The following SLIT3 variants were observed in gnomAD, a reference collection of about 807,000 sequenced individuals.
SLIT3 encodes the protein slit homolog 3 protein.
SLIT3 carries 68 observed loss-of-function variants against 184.0 expected under a neutral mutation model. The ratio of observed to expected loss-of-function variants is 0.37; its 90% CI spans 0.30 to 0.45. The LOEUF is 0.45. SLIT3 is among the 20% of genes least tolerant of loss of function. SLIT3 has a pLI of 1.00. For synonymous variants in SLIT3, 831 were observed against 828.6 expected (o/e 1.00, Z -0.05); for missense variants, 1,707 against 2,026.0 (o/e 0.84, Z 3.02).
At chr5:168,795,639 G>A in intron 9 of SLIT3, 61 bp from the exon 10 acceptor site, 4 of 1,316,368 alleles carry the variant, frequency 3.0e-6, no homozygotes, top group Non-Finnish European at 2.2e-6. Flanking sequence ...TGGTCACTGA[G>A]GGCTACTGTG....
intron 4 of SLIT3, among the ~76,000 whole-genome samples, chr5:169,079,636 G>A (rs1257068175): frequency 2.3e-5 from 2 of 86,958 alleles, no homozygotes; most frequent in African/African-American, 9.1e-5. Context: ...GAGGAGGAGG[G>A]AAGAGGAGGA....
intron 20 of SLIT3, among the ~76,000 whole-genome samples, chr5:168,743,992 T>C (rs1763718131): frequency 1.3e-5 from 2 of 152,060 alleles, no homozygotes; most frequent in South Asian, 4.2e-4. Flanking sequence ...GTTCATGAGG[T>C]TTAAGAAAAG....
At chr5:169,203,350 T>TGC (rs1442955102) in intron 3 of SLIT3, among the ~76,000 whole-genome samples, 5 of 103,780 alleles carry the variant, frequency 4.8e-5, no homozygotes, top group Non-Finnish European at 9.9e-5. Flanking sequence ...CATGTGAATG[T>TGC]GCACACACAC....
intron 4 of SLIT3, among the ~76,000 whole-genome samples, chr5:168,968,800 G>C (rs1754442940): frequency 6.6e-6 from 1 of 152,142 alleles, no homozygotes; most frequent in Non-Finnish European, 1.5e-5. Flanking sequence ...TAAAGGCTTT[G>C]ACTCAGACAG....
chr5:169,002,100 G>A (rs1169011810), intron 4 of SLIT3, among the ~76,000 whole-genome samples: 1 of 151,856 alleles, frequency 6.6e-6, no homozygotes, highest in African/African-American at 2.4e-5. Context: ...GATCACCTGA[G>A]GTCAGGAGTT....
chr5:169,007,244 A>T (rs572196198), intron 4 of SLIT3, among the ~76,000 whole-genome samples: 1 of 152,144 alleles, frequency 6.6e-6, no homozygotes, highest in South Asian at 2.1e-4. Context: ...ACTCAAATAA[A>T]TTTTTTTCCT....
intron 5 of SLIT3, among the ~76,000 whole-genome samples, chr5:168,845,003 A>C (rs781611120): frequency 4.0e-5 from 6 of 151,188 alleles, no homozygotes; most frequent in Non-Finnish European, 7.4e-5. Context: ...AATTTCATTA[A>C]GCTAAAGGCC....
chr5:168,807,676 A>C (rs1383347316), intron 8 of SLIT3, among the ~76,000 whole-genome samples: 1 of 152,164 alleles, frequency 6.6e-6, no homozygotes, highest in Non-Finnish European at 1.5e-5. Flanking sequence ...CACTGCTTGG[A>C]CATGGGGCCT....
At chr5:169,004,526 G>C (rs1379597701) in intron 4 of SLIT3, among the ~76,000 whole-genome samples, 1 of 152,184 alleles carries the variant, frequency 6.6e-6, no homozygotes, top group Admixed American at 6.5e-5. Context: ...GATGCAGAGA[G>C]GAGAGAAGGG....
chr5:169,229,042 T>C (rs530414179), intron 3 of SLIT3, among the ~76,000 whole-genome samples: 26 of 152,090 alleles, frequency 1.7e-4, no homozygotes, highest in Middle Eastern at 3.4e-3. Flanking sequence ...ATTCCAAACC[T>C]CCACATCTTG....
intron 4 of SLIT3, among the ~76,000 whole-genome samples, chr5:169,044,587 T>TGGGGGGGGGGTGGGGGAGGG (rs57256659): frequency 1.4e-5 from 1 of 70,644 alleles, no homozygotes; most frequent in Non-Finnish European, 3.6e-5. Flanking sequence ...TGGAGGAAGG[T>TGGGGGGGGGGTGGGGGAGGG]GGGGGGGGGG....
intron 4 of SLIT3, among the ~76,000 whole-genome samples, chr5:168,905,226 G>A (rs955124343): frequency 6.6e-6 from 1 of 152,000 alleles, no homozygotes; most frequent in Non-Finnish European, 1.5e-5. Flanking sequence ...ATCAACAGAG[G>A]TGCACCCATG....
At chr5:168,867,662 G>A (rs1393523507) in intron 5 of SLIT3, among the ~76,000 whole-genome samples, 1 of 152,236 alleles carries the variant, frequency 6.6e-6, no homozygotes, top group Non-Finnish European at 1.5e-5. Flanking sequence ...TGTACAATTA[G>A]CAATGGTCCA....
intron 4 of SLIT3, among the ~76,000 whole-genome samples, chr5:169,091,511 C>T (rs1008126246): frequency 2.0e-5 from 3 of 152,226 alleles, no homozygotes; most frequent in African/African-American, 7.2e-5. Flanking sequence ...TGTTAACAAG[C>T]TGGAAGCTAA....
rs550505861 is a variant in SLIT3 at position 168,820,537 on chromosome 5, T to C, written c.629+2723A>G. Among the ~76,000 whole-genome samples the C allele has an allele frequency of 2.6e-5, 4 of 152,240 alleles. No individual in the cohort carries two copies. The South Asian group carries it at 8.3e-4, about 32-fold the overall frequency. ...GGCACGCAGCAAACCACTGAAGAAA[T>C]GTTCACTGTTAATTACGACTGACAG... On this transcript the variant is annotated intron_variant, in intron 7 of 35. Coordinates refer to ENST00000519560, the MANE Select transcript of SLIT3 (RefSeq NM_003062.4).
At chr5:168,960,393 T>C (rs1447650631) in intron 4 of SLIT3, among the ~76,000 whole-genome samples, 1 of 152,260 alleles carries the variant, frequency 6.6e-6, no homozygotes, top group East Asian at 1.9e-4. Context: ...GGAATTGTTC[T>C]AAGTGTTTGG....
At chr5:169,141,173 GAATAGA>G (rs1366953509) in intron 4 of SLIT3, among the ~76,000 whole-genome samples, 1 of 151,990 alleles carries the variant, frequency 6.6e-6, no homozygotes, top group Non-Finnish European at 1.5e-5. Flanking sequence ...CCTCAAAATA[GAATAGA>G]AATAGAATTA....
At chr5:168,798,217 C>CTT (rs1448584547) in intron 9 of SLIT3, among the ~76,000 whole-genome samples, 11 of 81,176 alleles carry the variant, frequency 1.4e-4, no homozygotes, top group African/African-American at 7.3e-4. Context: ...TTTTCTTCTT[C>CTT]TTCTTCTTTT....
In SLIT3 at chr5:169,130,447, G is replaced by C. The variant is rs1761252778; in HGVS notation, c.413+63032C>G. On this transcript the variant is annotated intron_variant, in intron 4 of 35. Transcript: ENST00000519560. Reference sequence around the variant, plus strand: ...CCTTGTTCTCTTTGGTGGGACCCAGGTAAGTCACTTAAATTCACAGAATGT... The same window carrying C: ...CCTTGTTCTCTTTGGTGGGACCCAGCTAAGTCACTTAAATTCACAGAATGT... 2.0e-5 allele frequency among the ~76,000 whole-genome samples: 3 copies of C among 152,112 alleles called. No homozygotes were observed. In the South Asian group the frequency reaches 6.2e-4, roughly 32 times the overall value.
Sources: allele counts gnomAD v4.1 joint callset (sites outside exome capture counted in the v4.1 genomes callset), GRCh38; gene constraint gnomAD v4.1.1; transcripts MANE v1.5; gene names NCBI Gene and HGNC (gene_info 2026-07-23, HGNC 2026-07-21).